Variants in PPP2R5E observed in about 807,000 individuals in gnomAD.
PPP2R5E encodes serine/threonine-protein phosphatase 2A 56 kDa regulatory subunit epsilon isoform.
PPP2R5E carries 4 observed loss-of-function variants against 65.3 expected under a neutral mutation model. The observed-to-expected ratio is 0.06, with a 90% CI of 0.03 to 0.14. The LOEUF (loss-of-function observed/expected upper bound fraction) is 0.14. PPP2R5E is among the 10% of genes least tolerant of loss of function. PPP2R5E has a pLI of 1.00. For synonymous variants in PPP2R5E, 183 were observed against 187.4 expected, an observed-to-expected ratio of 0.98 and a Z score of 0.19; for missense variants, 274 against 556.1, an observed-to-expected ratio of 0.49 and a Z score of 5.10.
chr14:63,397,894 A>AT (rs1366146864), intron 5 of PPP2R5E, among the ~76,000 whole-genome samples: 5 of 151,822 alleles, frequency 3.3e-5, no homozygotes, highest in Non-Finnish European at 7.4e-5. Flanking sequence ...TGCCCAGCTA[A>AT]TTTTTTGTAT....
intron 3 of PPP2R5E, among the ~76,000 whole-genome samples, chr14:63,423,265 T>C (rs977264879): frequency 2.6e-5 from 4 of 152,014 alleles, no homozygotes; most frequent in African/African-American, 9.7e-5. Context: ...CCGGCTAATT[T>C]TTGTATTTTT....
chr14:63,403,201 C>A (rs756938450), intron 5 of PPP2R5E, among the ~76,000 whole-genome samples: 1 of 151,892 alleles, frequency 6.6e-6, no homozygotes, highest in Non-Finnish European at 1.5e-5. Context: ...CGAAGGCGGG[C>A]TGATCACTTG....
At chr14:63,390,259 C>T (rs1042063081) in intron 10 of PPP2R5E, among the ~76,000 whole-genome samples, 1 of 151,234 alleles carries the variant, frequency 6.6e-6, no homozygotes, top group Non-Finnish European at 1.5e-5. Flanking sequence ...ATGCAGGTGC[C>T]ACTTCAAACC....
chr14:63,384,244 C>T (rs1884528928), intron 12 of PPP2R5E, among the ~76,000 whole-genome samples, 200 bp downstream of exon 12: 1 of 152,172 alleles, frequency 6.6e-6, no homozygotes. Flanking sequence ...AGAAGCCTGT[C>T]TAGTAAACAG....
chr14:63,398,723 G>C (rs141774313), intron 5 of PPP2R5E, among the ~76,000 whole-genome samples: 2 of 152,254 alleles, frequency 1.3e-5, no homozygotes, highest in African/African-American at 4.8e-5. Context: ...CTGGGAGGTG[G>C]AGTTTGCAGT....
At chr14:63,534,055 T>G (rs944401084) in intron 2 of PPP2R5E, among the ~76,000 whole-genome samples, 4 of 152,188 alleles carry the variant, frequency 2.6e-5, no homozygotes, top group African/African-American at 9.7e-5. Context: ...ACTTACAGAA[T>G]TGCTTAAAGT....
At chr14:63,515,307 A>T (rs1312651186) in intron 2 of PPP2R5E, among the ~76,000 whole-genome samples, 1 of 152,220 alleles carries the variant, frequency 6.6e-6, no homozygotes, top group Non-Finnish European at 1.5e-5. Flanking sequence ...TTTGAGAATT[A>T]TTCAAATTAT....
At chr14:63,485,576 G>C (rs1175763937) in intron 2 of PPP2R5E, among the ~76,000 whole-genome samples, 1 of 151,160 alleles carries the variant, frequency 6.6e-6, no homozygotes, top group Non-Finnish European at 1.5e-5. Context: ...CACCACGTCC[G>C]GCTAATTTTG....
chr14:63,423,257 G>A (rs970224339), intron 3 of PPP2R5E, among the ~76,000 whole-genome samples: 11 of 152,102 alleles, frequency 7.2e-5, no homozygotes, highest in Non-Finnish European at 1.2e-4. Context: ...CACCACACCC[G>A]GCTAATTTTT....
At chr14:63,433,032 GTTTTTTTTT>G (rs747571866) in intron 3 of PPP2R5E, among the ~76,000 whole-genome samples, 1 of 96,464 alleles carries the variant, frequency 1.0e-5, no homozygotes, top group East Asian at 3.2e-4. Context: ...GTTTTGTTTT[GTTTTTTTTT>G]TTTTTTTTTT....
At chr14:63,512,059 A>T (rs1892475944) in intron 2 of PPP2R5E, among the ~76,000 whole-genome samples, 2 of 146,608 alleles carry the variant, frequency 1.4e-5, no homozygotes, top group South Asian at 4.5e-4. Flanking sequence ...AGCCTGGACG[A>T]CAGAGCGAGA....
intron 3 of PPP2R5E, among the ~76,000 whole-genome samples, chr14:63,423,460 T>G (rs1331064642): frequency 6.6e-6 from 1 of 152,158 alleles, no homozygotes; most frequent in East Asian, 1.9e-4. Context: ...GTCTCAGGAT[T>G]CCTTTCTGGT....
chr14:63,397,653 G>A (rs1885483588), intron 5 of PPP2R5E, among the ~76,000 whole-genome samples: 1 of 151,824 alleles, frequency 6.6e-6, no homozygotes, highest in Non-Finnish European at 1.5e-5. Context: ...TTGTTATGTA[G>A]GTGTGCTCAC....
At chr14:63,412,949 A>G (rs1452355832) in intron 5 of PPP2R5E, among the ~76,000 whole-genome samples, 1 of 152,240 alleles carries the variant, frequency 6.6e-6, no homozygotes, top group African/African-American at 2.4e-5. Context: ...CTACAGATAT[A>G]CTAAGAAATT....
intron 3 of PPP2R5E, among the ~76,000 whole-genome samples, chr14:63,430,812 A>G (rs1239005315): frequency 6.6e-6 from 1 of 152,242 alleles, no homozygotes; most frequent in Non-Finnish European, 1.5e-5. Flanking sequence ...ATTTGTTTCT[A>G]AAGCCAAACT....
intron 11 of PPP2R5E, among the ~76,000 whole-genome samples, chr14:63,386,761 TAA>T (rs531007917): frequency 6.6e-6 from 1 of 151,766 alleles, no homozygotes; most frequent in Non-Finnish European, 1.5e-5. Flanking sequence ...CCATCTCTAC[TAA>T]AAACATAAAA....
intron 2 of PPP2R5E, among the ~76,000 whole-genome samples, chr14:63,522,120 T>C (rs1039520897): frequency 9.2e-5 from 14 of 151,940 alleles, no homozygotes; most frequent in Non-Finnish European, 1.3e-4. Flanking sequence ...GTTTTCGTAT[T>C]TTTTTGGTGG....
At chr14:63,507,942 T>C (rs1892288006) in intron 2 of PPP2R5E, among the ~76,000 whole-genome samples, 1 of 152,194 alleles carries the variant, frequency 6.6e-6, no homozygotes, top group South Asian at 2.1e-4. Context: ...AGCCTGACCC[T>C]AGGGATTTAT....
chr14:63,482,836 T>C (rs759043320), intron 2 of PPP2R5E, among the ~76,000 whole-genome samples: 89 of 152,344 alleles, frequency 5.8e-4, no homozygotes, highest in Admixed American at 1.4e-3. Context: ...TACTGTGAGC[T>C]GGGCCCTCAA....
Sources: allele counts gnomAD v4.1 joint callset (sites outside exome capture counted in the v4.1 genomes callset), GRCh38; gene constraint gnomAD v4.1.1; transcripts MANE v1.5; gene names NCBI Gene and HGNC (gene_info 2026-07-23, HGNC 2026-07-21).